P4HTM: variants seen among roughly 807,000 people sequenced by gnomAD.
P4HTM encodes prolyl 4-hydroxylase, transmembrane, also known as transmembrane prolyl 4-hydroxylase.
A neutral mutation model predicts 55.3 loss-of-function variants in P4HTM; 33 were observed. That is an observed-to-expected ratio of 0.60 (90% confidence interval 0.45 to 0.80). P4HTM has a LOEUF of 0.80. P4HTM is among the 30% of genes least tolerant of loss of function. P4HTM has a pLI of 0.00. For missense variants in P4HTM, 542 were observed against 696.5 expected (o/e 0.78, Z 2.50); for synonymous variants, 272 against 286.4 (o/e 0.95, Z 0.51).
intron 2 of P4HTM, among the ~76,000 whole-genome samples, chr3:48,995,122 C>G (rs1383342234): frequency 6.6e-6 from 1 of 151,974 alleles, no homozygotes; most frequent in Non-Finnish European, 1.5e-5. Flanking sequence ...TCTTAAATGT[C>G]TCCAACATTT....
chr3:49,005,344 C>T, intron 6 of P4HTM: 1 of 1,424,706 alleles, frequency 7.0e-7, no homozygotes, highest in South Asian at 1.5e-5. Context: ...CTTGTCCTGC[C>T]CATTCCTCCA....
At chr3:49,005,351 T>G in intron 6 of P4HTM, 3 of 1,420,558 alleles carry the variant, frequency 2.1e-6, no homozygotes, top group Non-Finnish European at 2.7e-6. Flanking sequence ...TGCCCATTCC[T>G]CCAGGTGTTG....
rs1366841609 is a variant in P4HTM at position 48,990,758 on chromosome 3, G to A, written c.355-75G>A. 6.5e-6 allele frequency: 10 copies of A among 1,541,626 alleles called. No homozygotes were observed. The highest frequency in any genetic ancestry group is 3.6e-5 in the Admixed American group (2 of 56,180). ...ACTCACTCGCCTGCTGTCGCTCTCCGGGCCGGGGCGACTTGGCCCTTCTTG... is the reference window on the plus strand; with the variant it reads ...ACTCACTCGCCTGCTGTCGCTCTCCAGGCCGGGGCGACTTGGCCCTTCTTG... On this transcript the variant is annotated intron_variant, in intron 1 of 8. Coordinates refer to ENST00000383729, the MANE Select transcript of P4HTM (RefSeq NM_177939.3). The surrounding 1 kb of genome is among the most constrained non-coding windows in gnomAD (Gnocchi z 7.2).
At position 49,004,853 on chromosome 3, in the gene P4HTM, C is replaced by T. The variant is rs1293491456; in HGVS notation, c.888-8C>T. Reference sequence around the variant, plus strand: ...GGGCTGCCCAGCCAAATGCCTGCTGCCCACCAGGGTGCTGCGCCTCACTCG... The same window carrying T: ...GGGCTGCCCAGCCAAATGCCTGCTGTCCACCAGGGTGCTGCGCCTCACTCG... On this transcript the variant is annotated splice_region_variant and splice_polypyrimidine_tract_variant and intron_variant, in intron 5 of 8. Transcript: ENST00000383729. 1 of 1,599,484 alleles carries T rather than the reference C, an allele frequency of 6.3e-7. No homozygotes were observed. The highest frequency in any genetic ancestry group is 1.1e-5 in the South Asian group (1 of 90,296).
At chr3:48,996,036 A>G (rs1221963540) in intron 2 of P4HTM, 1 of 152,226 alleles carries the variant, frequency 6.6e-6, no homozygotes, top group Non-Finnish European at 1.5e-5. Context: ...GGCCAGCAAG[A>G]GTTTTAATCC....
chr3:48,990,617 A>C lies in P4HTM; in HGVS notation c.354+7A>C, dbSNP rs766217337. ...CCGGCTGGAGGGCATCAAGGTGAGG[A>C]CCTCCCTGCCCCGCCGCGCTCCAGG... On this transcript the variant is annotated splice_region_variant and intron_variant, in intron 1 of 8. Transcript: ENST00000383729. This position sits in a 1 kb window ranked among gnomAD's most constrained non-coding sequence, Gnocchi z 7.2. 46 of 1,549,252 alleles carry C rather than the reference A, an allele frequency of 3.0e-5. No homozygotes were observed. The Admixed American group carries it at 7.0e-4, about 24-fold the overall frequency.
In P4HTM at chr3:48,990,528, G is replaced by A; in HGVS notation, c.272G>A (p.Ser91Asn). 6 of 1,611,032 alleles carry A rather than the reference G, an allele frequency of 3.7e-6. No individual in the cohort carries two copies. The highest frequency in any genetic ancestry group is 5.1e-6 in the Non-Finnish European group (6 of 1,179,360). Residue 91 changes from serine (S) to asparagine (N), a missense_variant, in exon 1 of 9, where the codon AGC becomes AAC. Transcript: ENST00000383729. This position sits in a 1 kb window ranked among gnomAD's most constrained non-coding sequence, Gnocchi z 7.2. ...CACTACAGCAACGGCGACGAAAGCA[G>A]CGATCCCGGGCCCCAACACCGTGCC... The part of the protein sequence containing the change: ...FVHYSNGDES[S>N]DPGPQHRAQG...
chr3:49,006,960 G>A lies in P4HTM; in HGVS notation c.*53G>A, dbSNP rs1175652345. On this transcript the variant is annotated 3_prime_UTR_variant, in exon 9 of 9. Coordinates refer to ENST00000383729, the MANE Select transcript of P4HTM (RefSeq NM_177939.3). ...GCGGGTCGCCAGTTGCCCAAGATCA[G>A]GGGTCCGGCTGTCCTTCTGTCCTGC... 1 of 1,437,364 alleles carries A rather than the reference G, an allele frequency of 7.0e-7. No homozygotes were observed. Among genetic ancestry groups the A allele is most frequent in the African/African-American group, 1.4e-5 (1 of 71,348 alleles). The allele number at this position is 1,437,364 out of a possible 1,614,324, so 89.0% of individuals were successfully genotyped here. A position where few individuals can be genotyped will look rare whatever the true frequency, so the allele number is the denominator to read the frequency against.
At chr3:48,997,790 T>C (rs1194206267) in intron 2 of P4HTM, 1 of 152,286 alleles carries the variant, frequency 6.6e-6, no homozygotes, top group East Asian at 1.9e-4. Flanking sequence ...ATATTCCCTC[T>C]TACACTGCCT....
chr3:49,006,548 C>T lies in P4HTM; in HGVS notation c.1289-139C>T, dbSNP rs1264027066. The T allele has an allele frequency of 1.6e-5, 11 of 692,326 alleles. No individual in the cohort carries two copies. In the Admixed American group the frequency reaches 2.7e-4, roughly 17 times the overall value. 42.9% of individuals were successfully genotyped at this position (692,326 alleles called of 1,614,324 possible). A position where few individuals can be genotyped will look rare whatever the true frequency, so the allele number is the denominator to read the frequency against. On this transcript the variant is annotated intron_variant, in intron 8 of 8. Transcript: ENST00000383729. ...TACATTAGTGGGCTGAGATGAGGAG[C>T]CTCCAAGGAAGCTTTAGGTCTGGGT...
intron 2 of P4HTM, 108 bp from the exon 3 acceptor site, chr3:49,001,330 G>A: frequency 5.4e-6 from 5 of 933,960 alleles, no homozygotes; most frequent in Non-Finnish European, 8.7e-6. Flanking sequence ...CAGACCTGGT[G>A]GCCACTGAGG....
chr3:48,992,622 T>A lies in P4HTM; in HGVS notation c.436+1708T>A, dbSNP rs1320410179. Among the ~76,000 whole-genome samples the A allele has an allele frequency of 5.7e-5, 8 of 140,858 alleles. No individual in the cohort carries two copies. The East Asian group carries it at 1.3e-3, about 23-fold the overall frequency. The allele number at this position is 140,858 out of a possible 152,430, so 92.4% of individuals were successfully genotyped here. On this transcript the variant is annotated intron_variant, in intron 2 of 8. Transcript: ENST00000383729. ...CCCCTATCTCAAAGAAAAAAAAAAA[T>A]AGCAGACAGTAAGGCAGAAGTTCAG... is the stretch of plus-strand genomic sequence containing the variant.
Position 49,006,909 on chromosome 3 carries a change from G to A in P4HTM, c.*2G>A, listed in dbSNP as rs2092985303. The A allele has an allele frequency of 1.2e-6, 2 of 1,609,006 alleles. No individual in the cohort carries two copies. Among genetic ancestry groups the A allele is most frequent in the East Asian group, 4.5e-5 (2 of 44,746 alleles). ...CGCGATGCGCGCGTGGAACTCTGAGGGAAGAGTTAGCCCCGGTTCCCAGCC... is the reference window on the plus strand; with the variant it reads ...CGCGATGCGCGCGTGGAACTCTGAGAGAAGAGTTAGCCCCGGTTCCCAGCC... On this transcript the variant is annotated 3_prime_UTR_variant, in exon 9 of 9. Transcript: ENST00000383729.
At position 49,006,924 on chromosome 3, in the gene P4HTM, G is replaced by A. The variant is rs950494435; in HGVS notation, c.*17G>A. 2.5e-6 allele frequency: 4 copies of A among 1,598,258 alleles called. No homozygotes were observed. The highest frequency in any genetic ancestry group is 3.4e-6 in the Non-Finnish European group (4 of 1,170,686). On this transcript the variant is annotated 3_prime_UTR_variant, in exon 9 of 9. Transcript: ENST00000383729. ...GAACTCTGAGGGAAGAGTTAGCCCC[G>A]GTTCCCAGCCGCGGGTCGCCAGTTG...
chr3:48,991,161 C>A, intron 2 of P4HTM: 2 of 488,244 alleles, frequency 4.1e-6, no homozygotes, highest in South Asian at 6.0e-5. Context: ...GGTGTCTAAA[C>A]GTTTCATTGC....
Position 49,005,331 on chromosome 3 carries a change from T to C in P4HTM, c.1073+285T>C, listed in dbSNP as rs868054514. 5 of 1,428,448 alleles carry C rather than the reference T, an allele frequency of 3.5e-6. No homozygotes were observed. In the Middle Eastern group the frequency reaches 9.3e-4, roughly 265 times the overall value. 88.5% of individuals were successfully genotyped at this position (1,428,448 alleles called of 1,614,324 possible). On this transcript the variant is annotated intron_variant, in intron 6 of 8. Transcript: ENST00000383729. ...GAAGCAAGGGGCAAGGCTGGGCCCC[T>C]AGCTTGTCCTGCCCATTCCTCCAGG... is the stretch of plus-strand genomic sequence containing the variant.
chr3:48,995,093 GC>G (rs1291918678), intron 2 of P4HTM, among the ~76,000 whole-genome samples: 5 of 152,112 alleles, frequency 3.3e-5, no homozygotes, highest in African/African-American at 1.2e-4. Flanking sequence ...GAGCCACCGT[GC>G]CCAGCCGCTC....
rs765151293 is a variant in P4HTM, at chr3:49,004,252, C to T, written c.879C>T (p.Ile293=). The T allele has an allele frequency of 2.6e-6, 4 of 1,547,210 alleles. No homozygotes were observed. Among genetic ancestry groups the T allele is most frequent in the Admixed American group, 3.9e-5 (2 of 50,896 alleles). Residue 293 remains isoleucine, a synonymous_variant, in exon 5 of 9, where the codon ATC becomes ATT. Coordinates refer to ENST00000383729, the MANE Select transcript of P4HTM (RefSeq NM_177939.3). The stretch of plus-strand genomic sequence containing the variant: ...GTGCCCACCACATCATGCGTGCCAT[C>T]CGCCAGAGGTGAGCACCTGAAGCTG... ...GEGAHHIMRA[I]RQRVLRLTRL... is the part of the protein sequence containing the mutation.
chr3:49,006,385 C>A (rs188208065), intron 8 of P4HTM, among the ~76,000 whole-genome samples, 198 bp downstream of exon 8: 2 of 152,330 alleles, frequency 1.3e-5, no homozygotes, highest in East Asian at 3.9e-4. Context: ...TATATCCATC[C>A]CTATCATTCC....
Sources: allele counts gnomAD v4.1 joint callset (sites outside exome capture counted in the v4.1 genomes callset), GRCh38; gene constraint gnomAD v4.1.1; non-coding constraint Gnocchi (gnomAD v3.1); transcripts MANE v1.5; gene names NCBI Gene and HGNC (gene_info 2026-07-23, HGNC 2026-07-21).